Variants in GRIK1 observed in about 807,000 individuals in gnomAD.
GRIK1 encodes glutamate receptor ionotropic, kainate 1.
A neutral mutation model predicts 105.7 loss-of-function variants in GRIK1; 69 were observed. The observed-to-expected ratio is 0.65, with a 90% CI of 0.54 to 0.80. GRIK1 has a LOEUF of 0.80. Ranked by LOEUF, GRIK1 falls within the 30% of genes least tolerant of loss-of-function variation. The pLI is 0.00. For missense variants in GRIK1, 1,109 were observed against 1,167.3 expected, an observed-to-expected ratio of 0.95 and a Z score of 0.73; for synonymous variants, 438 against 431.3, an observed-to-expected ratio of 1.02 and a Z score of -0.19.
intron 9 of GRIK1, 155 bp downstream of exon 9, chr21:29,596,371 C>T (rs749710133): frequency 1.3e-5 from 10 of 753,672 alleles, no homozygotes; most frequent in Non-Finnish European, 2.5e-5. Context: ...AGAGAGATAA[C>T]ATATTCAATC....
rs1199273359 is a variant in GRIK1, at chr21:29,673,957, G to A, written c.545-793C>T. Reference sequence around the variant, plus strand: ...GACATGCTTTACTAGGACAAGGAAAGCCGCTGTGTAAAAGGCTCCCTCTTA... The same window carrying A: ...GACATGCTTTACTAGGACAAGGAAAACCGCTGTGTAAAAGGCTCCCTCTTA... On this transcript the variant is annotated intron_variant, in intron 3 of 17. Transcript: ENST00000327783. Among the ~76,000 whole-genome samples the A allele has an allele frequency of 3.3e-5, 5 of 152,158 alleles. No homozygotes were observed. The East Asian group carries it at 9.6e-4, about 29-fold the overall frequency.
chr21:29,809,368 G>T (rs973098455), intron 1 of GRIK1, among the ~76,000 whole-genome samples: 1 of 152,160 alleles, frequency 6.6e-6, no homozygotes, highest in Non-Finnish European at 1.5e-5. Flanking sequence ...GTGTGCAACA[G>T]CATTACTTCT....
intron 1 of GRIK1, among the ~76,000 whole-genome samples, chr21:29,895,086 G>T (rs948739852): frequency 1.3e-5 from 2 of 152,134 alleles, no homozygotes; most frequent in African/African-American, 4.8e-5. Flanking sequence ...CTCAGAAAAG[G>T]GATGGGTTCA....
chr21:29,544,326 G>A (rs1287896237), intron 16 of GRIK1, among the ~76,000 whole-genome samples: 1 of 152,122 alleles, frequency 6.6e-6, no homozygotes, highest in Non-Finnish European at 1.5e-5. Context: ...AAAAAATTTT[G>A]CACATGGGGT....
chr21:29,715,084 A>G (rs545013337), intron 1 of GRIK1, among the ~76,000 whole-genome samples: 1 of 152,026 alleles, frequency 6.6e-6, no homozygotes, highest in Non-Finnish European at 1.5e-5. Context: ...TCACTAACCA[A>G]CCTATCTCTC....
intron 5 of GRIK1, among the ~76,000 whole-genome samples, chr21:29,652,770 C>T (rs879829935): frequency 2.0e-5 from 3 of 152,194 alleles, no homozygotes; most frequent in Non-Finnish European, 4.4e-5. Context: ...CTTAACAATG[C>T]AACCGCTTTC....
intron 1 of GRIK1, among the ~76,000 whole-genome samples, chr21:29,744,807 A>T (rs2065010726): frequency 6.6e-6 from 1 of 152,206 alleles, no homozygotes; most frequent in Non-Finnish European, 1.5e-5. Context: ...CTGAGCACTC[A>T]CTATATGCTC....
At chr21:29,758,421 C>T (rs1235114608) in intron 1 of GRIK1, among the ~76,000 whole-genome samples, 1 of 152,152 alleles carries the variant, frequency 6.6e-6, no homozygotes, top group Admixed American at 6.6e-5. Flanking sequence ...AGGAACTCCC[C>T]TTTATAAAAC....
At chr21:29,668,631 A>G (rs1319284353) in intron 4 of GRIK1, among the ~76,000 whole-genome samples, 1 of 152,228 alleles carries the variant, frequency 6.6e-6, no homozygotes, top group Non-Finnish European at 1.5e-5. Context: ...AAGAGGAATA[A>G]TGCCAATCAT....
At chr21:29,801,614 G>C (rs557402949) in intron 1 of GRIK1, among the ~76,000 whole-genome samples, 1 of 152,130 alleles carries the variant, frequency 6.6e-6, no homozygotes. Flanking sequence ...CAAGAAGACA[G>C]CATGAAGATA....
intron 1 of GRIK1, among the ~76,000 whole-genome samples, chr21:29,856,617 T>C (rs542151435): frequency 1.3e-5 from 2 of 152,196 alleles, no homozygotes; most frequent in Non-Finnish European, 2.9e-5. Context: ...ACCGATGATA[T>C]AGAAGGAGAA....
chr21:29,801,234 A>G lies in GRIK1; in HGVS notation c.119-107171T>C, dbSNP rs73897840. ...AGGCTATTTTTTGACTTACTCTTCT[A>G]TTAGGTGGGTACAAAAGTAATTGCG... On this transcript the variant is annotated intron_variant, in intron 1 of 17. Transcript: ENST00000327783. 4.6e-3 allele frequency among the ~76,000 whole-genome samples: 705 copies of G among 151,840 alleles called. 8 individuals are homozygous for G. Among genetic ancestry groups the G allele is most frequent in the African/African-American group, 0.016 (659 of 41,396 alleles).
chr21:29,637,918 A>G (rs553294461), intron 7 of GRIK1, among the ~76,000 whole-genome samples: 30 of 152,276 alleles, frequency 2.0e-4, no homozygotes, highest in African/African-American at 7.2e-4. Flanking sequence ...TGCATGCTGC[A>G]TGCCTGTCTC....
At chr21:29,747,289 A>G (rs568824662) in intron 1 of GRIK1, among the ~76,000 whole-genome samples, 1 of 152,350 alleles carries the variant, frequency 6.6e-6, no homozygotes, top group Non-Finnish European at 1.5e-5. Flanking sequence ...CAATATGGGC[A>G]TGCCATTTAT....
At chr21:29,788,472 T>G (rs983765005) in intron 1 of GRIK1, among the ~76,000 whole-genome samples, 27 of 152,016 alleles carry the variant, frequency 1.8e-4, no homozygotes. Flanking sequence ...AGAGAGTGGG[T>G]GGAAGTCAGA....
chr21:29,661,018 C>T (rs2062951775), intron 4 of GRIK1, among the ~76,000 whole-genome samples: 1 of 151,714 alleles, frequency 6.6e-6, no homozygotes, highest in South Asian at 2.1e-4. Context: ...TTTTAGGCTG[C>T]ATCTATACTA....
intron 3 of GRIK1, among the ~76,000 whole-genome samples, chr21:29,685,832 C>T (rs567813951): frequency 5.9e-5 from 9 of 152,132 alleles, no homozygotes; most frequent in African/African-American, 7.2e-5. Flanking sequence ...AATCCACTGA[C>T]GTGAGTCATA....
At chr21:29,621,793 G>A (rs778504538) in intron 7 of GRIK1, among the ~76,000 whole-genome samples, 35 of 152,182 alleles carry the variant, frequency 2.3e-4, no homozygotes, top group Admixed American at 5.9e-4. Flanking sequence ...GTGCCCCACA[G>A]TATAGATACA....
chr21:29,673,313 A>C, intron 3 of GRIK1, 149 bp from the exon 4 acceptor site: 1 of 538,284 alleles, frequency 1.9e-6, no homozygotes, highest in Non-Finnish European at 3.3e-6. Context: ...TTTGTCACTC[A>C]TCTTCCTGTG....
Sources: allele counts gnomAD v4.1 joint callset (sites outside exome capture counted in the v4.1 genomes callset), GRCh38; gene constraint gnomAD v4.1.1; transcripts MANE v1.5; gene names NCBI Gene and HGNC (gene_info 2026-07-23, HGNC 2026-07-21).